The following GPR139 variants were observed in gnomAD, a reference collection of about 807,000 sequenced individuals.
GPR139 encodes G protein-coupled receptor 139, also known as probable G protein-coupled receptor 139.
Under a neutral mutation model 25.8 loss-of-function variants are expected in GPR139, and 12 were observed. The observed-to-expected ratio is 0.47, with a 90% CI of 0.30 to 0.75. The LOEUF is 0.75. Among genes scored for constraint, GPR139 ranks in the 30% least tolerant of loss-of-function variants. The probability of loss-of-function intolerance (pLI) is 0.07; values close to 1 mark genes in which losing one functional copy is unlikely to be tolerated. For missense variants in GPR139, 380 were observed against 450.2 expected (o/e 0.84, Z 1.41); for synonymous variants, 184 against 179.9 (o/e 1.02, Z -0.18).
At position 20,073,212 on chromosome 16, in the gene GPR139, C is replaced by T. The variant is rs1250726807; in HGVS notation, c.127+278G>A. Among the ~76,000 whole-genome samples the T allele has an allele frequency of 4.0e-5, 6 of 151,628 alleles. No individual in the cohort carries two copies. The highest frequency in any genetic ancestry group is 7.4e-5 in the Non-Finnish European group (5 of 67,926). ...GCGCGCACAAATGCACCTTCGAATC[C>T]ATGCTCACATGCCCAGCCCATCGCC... On this transcript the variant is annotated intron_variant, in intron 1 of 1. Coordinates refer to ENST00000570682, the MANE Select transcript of GPR139 (RefSeq NM_001002911.4). This position sits in a 1 kb window ranked among gnomAD's most constrained non-coding sequence, Gnocchi z 4.7.
Position 20,032,465 on chromosome 16 carries a change from G to A in GPR139, c.332C>T (p.Ser111Phe). Residue 111 changes from serine (S) to phenylalanine (F), a missense_variant, in exon 2 of 2, where the codon TCC becomes TTC. Ser to Phe is a radical substitution (Grantham distance 155, BLOSUM62 -2). Coordinates refer to ENST00000570682, the MANE Select transcript of GPR139 (RefSeq NM_001002911.4). ...DKIIEVLEFS[S>F]IHTSIWITVP... ...AGTAATCCATATGGAGGTGTGGATG[G>A]ATGAGAATTCCAGCACTTCTATGAT... The A allele has an allele frequency of 6.2e-7, 1 of 1,614,152 alleles. No homozygotes were observed. Among genetic ancestry groups the A allele is most frequent in the South Asian group, 1.1e-5 (1 of 91,078 alleles).
intron 1 of GPR139, among the ~76,000 whole-genome samples, chr16:20,069,803 G>A (rs1256150034): frequency 6.6e-6 from 1 of 151,996 alleles, no homozygotes; most frequent in African/African-American, 2.4e-5. Context: ...TTCCCCCAGG[G>A]GCTCAAGTTC....
Position 20,073,509 on chromosome 16 carries a change from C to G in GPR139, c.108G>C (p.Leu36Phe), listed in dbSNP as rs376264932. Reference sequence around the variant, plus strand: ...CCTCACCTGGTAAACCGAGGCACAGCAAGAGGCTGTAGTAGACCACGGGCA... The same window carrying G: ...CCTCACCTGGTAAACCGAGGCACAGGAAGAGGCTGTAGTAGACCACGGGCA... Reference protein sequence around the residue: ...GFVPVVYYSLLLCLGLPANIL... With the variant: ...GFVPVVYYSLFLCLGLPANIL... The change falls in exon 1 of 2, where the codon TTG (leucine) becomes TTC (phenylalanine). Residue 36 changes from leucine to phenylalanine, a missense_variant. Coordinates refer to ENST00000570682, the MANE Select transcript of GPR139 (RefSeq NM_001002911.4). This position sits in a 1 kb window ranked among gnomAD's most constrained non-coding sequence, Gnocchi z 4.7. 2.5e-6 allele frequency: 4 copies of G among 1,611,730 alleles called. No individual in the cohort carries two copies. The South Asian group carries it at 4.4e-5, about 18-fold the overall frequency.
At chr16:20,058,947 C>T (rs1219409150) in intron 1 of GPR139, among the ~76,000 whole-genome samples, 2 of 152,140 alleles carry the variant, frequency 1.3e-5, no homozygotes, top group African/African-American at 2.4e-5. Flanking sequence ...CCGGCACAGA[C>T]GTCCTTGGTG....
At chr16:20,071,920 T>C (rs1285298245) in intron 1 of GPR139, among the ~76,000 whole-genome samples, 2 of 152,046 alleles carry the variant, frequency 1.3e-5, no homozygotes, top group Non-Finnish European at 2.9e-5. Flanking sequence ...GGTGGGTGGA[T>C]TGTTGGGGGG....
rs1050865044 is a variant in GPR139 at position 20,028,526 on chromosome 16, T to C, written c.*3209A>G. ...TAACTTTCTATTCCATTCTCTGAACTGGAATAGCCAACATTAGAGTCTTTT... is the reference window on the plus strand; with the variant it reads ...TAACTTTCTATTCCATTCTCTGAACCGGAATAGCCAACATTAGAGTCTTTT... On this transcript the variant is annotated 3_prime_UTR_variant, in exon 2 of 2. Coordinates refer to ENST00000570682, the MANE Select transcript of GPR139 (RefSeq NM_001002911.4). Among the ~76,000 whole-genome samples, 3 of 152,196 alleles carry C rather than the reference T, an allele frequency of 2.0e-5. No homozygotes were observed. Among genetic ancestry groups the C allele is most frequent in the Non-Finnish European group, 4.4e-5 (3 of 68,034 alleles).
At position 20,044,958 on chromosome 16, in the gene GPR139, GTATT is replaced by G. The variant is rs2057349037; in HGVS notation, c.128-12293_128-12290del. On this transcript the variant is annotated intron_variant, in intron 1 of 1. Transcript: ENST00000570682. ...CAGTTCCCTTTATTGAGCACTGACTGTATTTGGCTCACTTGCCAGAGGTTTCACT... is the reference window on the plus strand; with the variant it reads ...CAGTTCCCTTTATTGAGCACTGACTGTGGCTCACTTGCCAGAGGTTTCACT... Among the ~76,000 whole-genome samples the G allele has an allele frequency of 3.4e-5, 5 of 147,676 alleles. No individual in the cohort carries two copies. In the South Asian group the frequency reaches 1.1e-3, roughly 32 times the overall value.
rs1723681678 is a variant in GPR139, at chr16:20,029,712, G to A, written c.*2023C>T. Among the ~76,000 whole-genome samples, 2 of 152,250 alleles carry A rather than the reference G, an allele frequency of 1.3e-5. No individual in the cohort carries two copies. Among genetic ancestry groups the A allele is most frequent in the South Asian group, 4.2e-4 (2 of 4,816 alleles). Reference sequence around the variant, plus strand: ...GGGGAGCGTGGGAGATGGGAGATCTGTCCCTCAGTCAGACGACTTCCATGA... The same window carrying A: ...GGGGAGCGTGGGAGATGGGAGATCTATCCCTCAGTCAGACGACTTCCATGA... On this transcript the variant is annotated 3_prime_UTR_variant, in exon 2 of 2. Transcript: ENST00000570682.
chr16:20,063,767 A>G (rs1181344635), intron 1 of GPR139, among the ~76,000 whole-genome samples: 1 of 152,200 alleles, frequency 6.6e-6, no homozygotes, highest in East Asian at 1.9e-4. Context: ...GACTGCTAGC[A>G]GTGTGATTTC....
chr16:20,071,645 A>G (rs2141217511), intron 1 of GPR139, among the ~76,000 whole-genome samples: 1 of 152,314 alleles, frequency 6.6e-6, no homozygotes, highest in South Asian at 2.1e-4. Flanking sequence ...TGCCTGGCAT[A>G]CAGTAGATGT....
chr16:20,057,855 A>G (rs2057395882), intron 1 of GPR139, among the ~76,000 whole-genome samples: 1 of 152,160 alleles, frequency 6.6e-6, no homozygotes, highest in South Asian at 2.1e-4. Flanking sequence ...GAACTAGTCT[A>G]ATTTTATTAT....
At position 20,073,609 on chromosome 16, in the gene GPR139, T is replaced by A. The variant is rs373852028; in HGVS notation, c.8A>T (p.His3Leu). ME[H>L]THAHLAANSS... ...GTTGGCTGCGAGGTGGGCGTGCGTG[T>A]GCTCCATGAGCGCGCCCCTCGCTCC... is the stretch of plus-strand genomic sequence containing the variant. The change falls in exon 1 of 2, where the codon CAC (histidine) becomes CTC (leucine). Residue 3 changes from histidine to leucine, a missense_variant. Coordinates refer to ENST00000570682, the MANE Select transcript of GPR139 (RefSeq NM_001002911.4). This position sits in a 1 kb window ranked among gnomAD's most constrained non-coding sequence, Gnocchi z 4.7. 27 of 1,606,186 alleles carry A rather than the reference T, an allele frequency of 1.7e-5. No homozygotes were observed. The African/African-American group carries it at 3.5e-4, about 21-fold the overall frequency.
At chr16:20,072,113 A>ATT (rs1434476593) in intron 1 of GPR139, among the ~76,000 whole-genome samples, 1 of 152,164 alleles carries the variant, frequency 6.6e-6, no homozygotes, top group African/African-American at 2.4e-5. Flanking sequence ...GCTCAAGGTA[A>ATT]TTACAGGACA....
intron 1 of GPR139, among the ~76,000 whole-genome samples, chr16:20,035,368 G>C (rs879554327): frequency 2.0e-5 from 3 of 152,176 alleles, no homozygotes; most frequent in Non-Finnish European, 4.4e-5. Context: ...ACAATGTAGA[G>C]AAAAATGGTG....
In GPR139 at chr16:20,073,252, T is replaced by TCACACACACACA. The variant is rs71146300; in HGVS notation, c.127+226_127+237dup. ...AGCCCATCGCCCGCCGTCACAGTCA[T>TCACACACACACA]CACACACACACACACACACACACAC... On this transcript the variant is annotated intron_variant, in intron 1 of 1. Transcript: ENST00000570682. The surrounding 1 kb of genome is among the most constrained non-coding windows in gnomAD (Gnocchi z 4.7). Among the ~76,000 whole-genome samples the TCACACACACACA allele has an allele frequency of 6.8e-5, 10 of 147,106 alleles. No homozygotes were observed. The highest frequency in any genetic ancestry group is 2.5e-4 in the African/African-American group (10 of 39,846).
At chr16:20,045,997 C>T (rs1216098744) in intron 1 of GPR139, among the ~76,000 whole-genome samples, 7 of 152,092 alleles carry the variant, frequency 4.6e-5, no homozygotes, top group East Asian at 1.9e-4. Flanking sequence ...ATCTGGAGTT[C>T]GCTGGGGTGT....
At chr16:20,062,475 C>G (rs181376122) in intron 1 of GPR139, among the ~76,000 whole-genome samples, 170 of 152,306 alleles carry the variant, frequency 1.1e-3, no homozygotes, top group South Asian at 2.3e-3. Flanking sequence ...GTTTATAAAG[C>G]CACTAATTTA....
intron 1 of GPR139, among the ~76,000 whole-genome samples, chr16:20,065,728 C>G (rs1332725489): frequency 1.3e-5 from 2 of 151,964 alleles, no homozygotes; most frequent in African/African-American, 4.8e-5. Context: ...AAAAAATGAG[C>G]AGGGCATGGT....
chr16:20,041,177 G>A (rs1422994944), intron 1 of GPR139, among the ~76,000 whole-genome samples: 1 of 204 alleles, frequency 4.9e-3, no homozygotes, highest in Non-Finnish European at 0.01. Context: ...GGAGGGGAGG[G>A]GAGGGGAGGG....
Sources: gnomAD v4.1 joint callset for allele counts (sites outside exome capture counted in the v4.1 genomes callset) on GRCh38, gnomAD v4.1.1 for gene constraint, Gnocchi (gnomAD v3.1) non-coding constraint, MANE v1.5 for transcripts, NCBI Gene and HGNC (gene_info 2026-07-23, HGNC 2026-07-21) for gene names.